Variants in FOXN1 observed in about 807,000 individuals in gnomAD.
FOXN1 encodes the protein forkhead box protein N1.
In FOXN1, 15 loss-of-function variants were observed where a neutral mutation model predicts 49.0. The ratio of observed to expected loss-of-function variants is 0.31; its 90% CI spans 0.20 to 0.47. FOXN1 has a LOEUF of 0.47. Among genes scored for constraint, FOXN1 ranks in the 20% least tolerant of loss-of-function variants. FOXN1 has a pLI of 1.00. For missense variants in FOXN1, 800 were observed against 842.8 expected, an observed-to-expected ratio of 0.95 and a Z score of 0.63; for synonymous variants, 356 against 369.0, an observed-to-expected ratio of 0.96 and a Z score of 0.40.
intron 1 of FOXN1, among the ~76,000 whole-genome samples, chr17:28,522,915 G>T (rs75947132): frequency 2.2e-3 from 330 of 152,268 alleles, no homozygotes; most frequent in African/African-American, 7.3e-3. Context: ...CACGGACTGT[G>T]CACCAGGCAC....
rs767467582 is a variant in FOXN1, at chr17:28,523,940, G to A, written c.-14-16G>A. The A allele has an allele frequency of 6.2e-7, 1 of 1,613,206 alleles. No homozygotes were observed. Among genetic ancestry groups the A allele is most frequent in the Non-Finnish European group, 8.5e-7 (1 of 1,179,900 alleles). ...GATGCTGGTCCTCACTCTCATGGCA[G>A]ACGGCTTTCTTTGAGGCCAGGACTG... On this transcript the variant is annotated splice_polypyrimidine_tract_variant and intron_variant, in intron 1 of 8. Coordinates refer to ENST00000579795, the MANE Select transcript of FOXN1 (RefSeq NM_001369369.1).
In FOXN1 at chr17:28,537,139, G is replaced by A; in HGVS notation, c.1650G>A (p.Lys550=). 6.2e-7 allele frequency: 1 copy of A among 1,614,062 alleles called. No homozygotes were observed. Among genetic ancestry groups the A allele is most frequent in the Non-Finnish European group, 8.5e-7 (1 of 1,179,934 alleles). ...DFQGNLWEQL[K]DDSLALDPLV... ...TAGGAAACCTGTGGGAACAGTTGAAGGATGATAGCTTGGCCCTCGACCCCC... is the reference window on the plus strand; with the variant it reads ...TAGGAAACCTGTGGGAACAGTTGAAAGATGATAGCTTGGCCCTCGACCCCC... The change falls in exon 9 of 9, where the codon AAG becomes AAA. Residue 550 remains lysine (K), a synonymous_variant. Coordinates refer to ENST00000579795, the MANE Select transcript of FOXN1 (RefSeq NM_001369369.1).
At chr17:28,535,350 G>A in intron 8 of FOXN1, 152 bp downstream of exon 8, 1 of 772,612 alleles carries the variant, frequency 1.3e-6, no homozygotes, top group Non-Finnish European at 2.1e-6. Context: ...GGCAGGGGGA[G>A]CTTCCCACTT....
In FOXN1 at chr17:28,534,334, G is replaced by A; in HGVS notation, c.931G>A (p.Ala311Thr). The change falls in exon 7 of 9, where the codon GCA becomes ACA. Residue 311 changes from alanine (A) to threonine (T), a missense_variant. Around this residue, in one of 3 missense-constraint regions of FOXN1, gnomAD observed 73 missense variants for 118.9 expected, o/e 0.61. Coordinates refer to ENST00000579795, the MANE Select transcript of FOXN1 (RefSeq NM_001369369.1). The surrounding 1 kb of genome is among the most constrained non-coding windows in gnomAD (Gnocchi z 4.1). Reference protein sequence around the residue: ...MTEHFPYFKTAPDGWKNSVRH... With the variant: ...MTEHFPYFKTTPDGWKNSVRH... ...TTGTCTTGCTCTGTTCCGGCAGACA[G>A]CACCCGATGGCTGGAAGAATTCTGT... is the stretch of plus-strand genomic sequence containing the variant. 6.2e-7 allele frequency: 1 copy of A among 1,614,136 alleles called. No homozygotes were observed. Among genetic ancestry groups the A allele is most frequent in the Non-Finnish European group, 8.5e-7 (1 of 1,179,998 alleles).
At chr17:28,532,781 T>C (rs971562967) in intron 6 of FOXN1, among the ~76,000 whole-genome samples, 2 of 152,184 alleles carry the variant, frequency 1.3e-5, no homozygotes, top group African/African-American at 4.8e-5. Flanking sequence ...CCACTGGACA[T>C]AATTGTTAGT....
chr17:28,519,342 A>AG (rs200756600), intron 1 of FOXN1, among the ~76,000 whole-genome samples: 4 of 151,806 alleles, frequency 2.6e-5, no homozygotes, highest in African/African-American at 9.7e-5. Context: ...AAAAAAAAAA[A>AG]GTGCAGAGGA....
At chr17:28,507,447 G>A (rs2069288043) in intron 1 of FOXN1, among the ~76,000 whole-genome samples, 1 of 152,210 alleles carries the variant, frequency 6.6e-6, no homozygotes, top group Admixed American at 6.5e-5. Context: ...ACTGGTCAGT[G>A]GGAAGGGACC....
At chr17:28,522,196 G>A (rs868574950) in intron 1 of FOXN1, among the ~76,000 whole-genome samples, 9 of 152,344 alleles carry the variant, frequency 5.9e-5, no homozygotes, top group Middle Eastern at 6.8e-3. Flanking sequence ...TGTTCTAATA[G>A]ATCAATGAGA....
intron 2 of FOXN1, 136 bp from the exon 3 acceptor site, chr17:28,524,367 T>G: frequency 1.2e-6 from 1 of 840,656 alleles, no homozygotes; most frequent in Non-Finnish European, 1.9e-6. Context: ...GGGTAGGCTA[T>G]TTCTTCTCCA....
intron 1 of FOXN1, among the ~76,000 whole-genome samples, chr17:28,510,132 T>G (rs2151473578): frequency 6.6e-6 from 1 of 152,176 alleles, no homozygotes; most frequent in African/African-American, 2.4e-5. Flanking sequence ...GAAAGCCCAC[T>G]GCAAGGTCTG....
At chr17:28,516,645 C>T (rs2069510815) in intron 1 of FOXN1, among the ~76,000 whole-genome samples, 1 of 150,316 alleles carries the variant, frequency 6.7e-6, no homozygotes, top group African/African-American at 2.5e-5. Context: ...GTACACACCT[C>T]CACTGGGTAC....
At chr17:28,516,507 C>T (rs574044161) in intron 1 of FOXN1, among the ~76,000 whole-genome samples, 34 of 150,978 alleles carry the variant, frequency 2.3e-4, no homozygotes, top group African/African-American at 5.9e-4. Flanking sequence ...GGATCCATAC[C>T]GCCACAGAGT....
At position 28,534,547 on chromosome 17, in the gene FOXN1, G is replaced by A. The variant is rs369196717; in HGVS notation, c.1135+9G>A. On this transcript the variant is annotated intron_variant, in intron 7 of 8. Coordinates refer to ENST00000579795, the MANE Select transcript of FOXN1 (RefSeq NM_001369369.1). This position sits in a 1 kb window ranked among gnomAD's most constrained non-coding sequence, Gnocchi z 4.1. The stretch of plus-strand genomic sequence containing the variant: ...AAGCATGGCCAAGCCAGGTGAGGCC[G>A]GCCGGGCCACGCAAGGAAGGGCCCA... 1.3e-4 allele frequency: 202 copies of A among 1,612,400 alleles called. No homozygotes were observed. The highest frequency in any genetic ancestry group is 2.4e-4 in the South Asian group (22 of 90,976).
At chr17:28,510,224 CT>C (rs1244834558) in intron 1 of FOXN1, among the ~76,000 whole-genome samples, 1 of 152,274 alleles carries the variant, frequency 6.6e-6, no homozygotes, top group African/African-American at 2.4e-5. Context: ...CCTCCGGGGC[CT>C]TCAGGGCTCC....
At chr17:28,522,604 G>A (rs2069662916) in intron 1 of FOXN1, among the ~76,000 whole-genome samples, 1 of 152,062 alleles carries the variant, frequency 6.6e-6, no homozygotes, top group African/African-American at 2.4e-5. Flanking sequence ...CCGAGAGCAT[G>A]CCACCGCACT....
intron 1 of FOXN1, among the ~76,000 whole-genome samples, chr17:28,515,181 G>T (rs1288132260): frequency 6.6e-6 from 1 of 152,036 alleles, no homozygotes; most frequent in Admixed American, 6.5e-5. Context: ...CAGAGGAGGG[G>T]TGAGGTCCCT....
chr17:28,534,667 G>A lies in FOXN1; in HGVS notation c.1136-40G>A, dbSNP rs753755843. 1 of 1,612,742 alleles carries A rather than the reference G, an allele frequency of 6.2e-7. No homozygotes were observed. Among genetic ancestry groups the A allele is most frequent in the African/African-American group, 1.3e-5 (1 of 75,016 alleles). On this transcript the variant is annotated intron_variant, in intron 7 of 8. Coordinates refer to ENST00000579795, the MANE Select transcript of FOXN1 (RefSeq NM_001369369.1). The surrounding 1 kb of genome is among the most constrained non-coding windows in gnomAD (Gnocchi z 4.1). The stretch of plus-strand genomic sequence containing the variant: ...CCAGTCTGGGGAAGACTGTGGAGGA[G>A]GGAGGTCTCATGGTGTTCTTTCTCT...
At chr17:28,509,239 C>G (rs781899098) in intron 1 of FOXN1, among the ~76,000 whole-genome samples, 2 of 152,054 alleles carry the variant, frequency 1.3e-5, no homozygotes, top group Non-Finnish European at 2.9e-5. Flanking sequence ...ATCCCTGACC[C>G]TTCCACCCGT....
chr17:28,535,011 G>A lies in FOXN1; in HGVS notation c.1440G>A (p.Glu480=). The A allele has an allele frequency of 6.2e-7, 1 of 1,613,824 alleles. No individual in the cohort carries two copies. Among genetic ancestry groups the A allele is most frequent in the East Asian group, 2.2e-5 (1 of 44,878 alleles). ...TCCCACAGCCGGACGGGCACCTTGA[G>A]CTGCGGGCCCAGCCAGGCACCCCCC... ...PLFPQPDGHL[E]LRAQPGTPQD... The change falls in exon 8 of 9, where the codon GAG becomes GAA. Residue 480 remains glutamate (E), a synonymous_variant. Transcript: ENST00000579795.
Sources: gnomAD v4.1 joint callset for allele counts (sites outside exome capture counted in the v4.1 genomes callset) on GRCh38, gnomAD v4.1.1 for gene constraint, gnomAD v4.1.1 regional missense constraint, Gnocchi (gnomAD v3.1) non-coding constraint, MANE v1.5 for transcripts, NCBI Gene and HGNC (gene_info 2026-07-23, HGNC 2026-07-21) for gene names.